Variants in GATAD2A observed in about 807,000 individuals in gnomAD.
GATAD2A encodes GATA zinc finger domain containing 2A, also known as transcriptional repressor p66-alpha.
GATAD2A carries 12 observed loss-of-function variants against 68.5 expected under a neutral mutation model. The ratio of observed to expected loss-of-function variants is 0.18; its 90% CI spans 0.11 to 0.28. The LOEUF is 0.28. GATAD2A is among the 10% of genes least tolerant of loss of function. The probability of loss-of-function intolerance (pLI) is 1.00; values close to 1 mark genes in which losing one functional copy is unlikely to be tolerated. For missense variants in GATAD2A, 755 were observed against 868.5 expected (o/e 0.87, Z 1.64); for synonymous variants, 410 against 375.3 (o/e 1.09, Z -1.07).
In GATAD2A at chr19:19,465,515, C is replaced by T. The variant is rs1340346795; in HGVS notation, c.170C>T (p.Thr57Ile). ...RVTPEPGAGP[T>I]QGLLRATEAT... ...ACACCTGAGCCGGGAGCAGGTCCAA[C>T]CCAAGGATTGCTGAGGGCAACAGAG... The change falls in exon 2 of 12, where the codon ACC becomes ATC. Residue 57 changes from threonine (T) to isoleucine (I), a missense_variant. Physicochemically the swap from Thr to Ile is moderately conservative, Grantham distance 89. Coordinates refer to ENST00000683918, the MANE Select transcript of GATAD2A (RefSeq NM_001384528.1). 6.2e-7 allele frequency: 1 copy of T among 1,614,048 alleles called. No individual in the cohort carries two copies. The highest frequency in any genetic ancestry group is 8.5e-7 in the Non-Finnish European group (1 of 1,179,880).
chr19:19,459,827 A>C (rs1312321190), intron 1 of GATAD2A, among the ~76,000 whole-genome samples: 1 of 152,184 alleles, frequency 6.6e-6, no homozygotes, highest in Non-Finnish European at 1.5e-5. Flanking sequence ...TGCTGTGTCT[A>C]GTTGTAGGAG....
At chr19:19,454,783 C>T (rs2056775017) in intron 1 of GATAD2A, among the ~76,000 whole-genome samples, 1 of 144,804 alleles carries the variant, frequency 6.9e-6, no homozygotes. Context: ...CTCTGTAGTC[C>T]ATTCTGCTAT....
chr19:19,498,646 G>A lies in GATAD2A; in HGVS notation c.1128G>A (p.Leu376=). The A allele has an allele frequency of 6.2e-7, 1 of 1,613,880 alleles. No individual in the cohort carries two copies. Among genetic ancestry groups the A allele is most frequent in the Non-Finnish European group, 8.5e-7 (1 of 1,179,966 alleles). The change falls in exon 8 of 12, where the codon CTG becomes CTA. Residue 376 remains leucine, a synonymous_variant. Coordinates refer to ENST00000683918, the MANE Select transcript of GATAD2A (RefSeq NM_001384528.1). The part of the protein sequence containing the change: ...PKPPAPEMNF[L]PSAANNEFIY... Reference sequence around the variant, plus strand: ...CCCCAGCCCCAGAGATGAACTTCCTGCCCAGCGCCGCCAACAACGAGTTCA... The same window carrying A: ...CCCCAGCCCCAGAGATGAACTTCCTACCCAGCGCCGCCAACAACGAGTTCA...
chr19:19,428,660 T>C (rs545240391), intron 1 of GATAD2A, among the ~76,000 whole-genome samples: 1 of 152,300 alleles, frequency 6.6e-6, no homozygotes, highest in African/African-American at 2.4e-5. Flanking sequence ...TGCTGGAGTC[T>C]GAGCTTACCA....
intron 1 of GATAD2A, among the ~76,000 whole-genome samples, chr19:19,450,390 G>A (rs2056242497): frequency 6.6e-6 from 1 of 152,190 alleles, no homozygotes; most frequent in African/African-American, 2.4e-5. Context: ...TGGAAGTGCT[G>A]GGTAGGGAAC....
chr19:19,435,030 G>A (rs1434280209), intron 1 of GATAD2A: 1 of 506,264 alleles, frequency 2.0e-6, no homozygotes, highest in Non-Finnish European at 4.1e-6. Flanking sequence ...GTTACATTGG[G>A]AGAATGAGCC....
At chr19:19,392,441 G>A (rs940620226) in intron 1 of GATAD2A, among the ~76,000 whole-genome samples, 5 of 150,278 alleles carry the variant, frequency 3.3e-5, no homozygotes, top group African/African-American at 1.2e-4. Context: ...CACCTAGGCT[G>A]GAGTGCAGTG....
At chr19:19,404,821 C>G (rs889419122), upstream of GATAD2A, among the ~76,000 whole-genome samples, 2 of 152,164 alleles carry the variant, frequency 1.3e-5, no homozygotes, top group Admixed American at 6.5e-5. Flanking sequence ...GTCTAGGTGT[C>G]TCATCAGGAA....
intron 1 of GATAD2A, among the ~76,000 whole-genome samples, chr19:19,460,335 G>C (rs1214365879): frequency 1.3e-5 from 2 of 152,202 alleles, no homozygotes; most frequent in Admixed American, 1.3e-4. Context: ...CTCTGGAGGT[G>C]GGCACCTGGG....
intron 1 of GATAD2A, among the ~76,000 whole-genome samples, chr19:19,460,232 A>G (rs957696461): frequency 2.6e-5 from 4 of 152,320 alleles, no homozygotes; most frequent in South Asian, 2.1e-4. Context: ...TCCTCGGGCT[A>G]TGCTGCCGGG....
chr19:19,401,188 G>A (rs1207272831), upstream of GATAD2A, among the ~76,000 whole-genome samples: 2 of 145,810 alleles, frequency 1.4e-5, no homozygotes, highest in Non-Finnish European at 1.5e-5. Flanking sequence ...TTTCATAAAG[G>A]TGATTAAAAG....
chr19:19,388,449 C>G (rs1345302625), intron 1 of GATAD2A, among the ~76,000 whole-genome samples: 1 of 152,120 alleles, frequency 6.6e-6, no homozygotes, highest in African/African-American at 2.4e-5. Flanking sequence ...TTTGTTGCCA[C>G]TCTAGGGGTA....
chr19:19,453,051 C>A (rs527915393), intron 1 of GATAD2A, among the ~76,000 whole-genome samples: 1 of 152,216 alleles, frequency 6.6e-6, no homozygotes, highest in Non-Finnish European at 1.5e-5. Flanking sequence ...ATCCCTGTAG[C>A]CCCCATTCCT....
At chr19:19,469,479 A>G (rs1343883939) in intron 2 of GATAD2A, among the ~76,000 whole-genome samples, 1 of 152,152 alleles carries the variant, frequency 6.6e-6, no homozygotes, top group Non-Finnish European at 1.5e-5. Context: ...TACACTAAAA[A>G]ATATTTAACA....
chr19:19,433,266 A>G (rs1004935584), intron 1 of GATAD2A, among the ~76,000 whole-genome samples: 1 of 152,204 alleles, frequency 6.6e-6, no homozygotes, highest in African/African-American at 2.4e-5. Flanking sequence ...GTCAAGTCTC[A>G]GTGATCCACA....
chr19:19,486,810 C>T (rs984808418), intron 2 of GATAD2A, among the ~76,000 whole-genome samples: 3 of 152,238 alleles, frequency 2.0e-5, no homozygotes, highest in African/African-American at 7.2e-5. Flanking sequence ...GAAGTCTCAC[C>T]TCACCAGGCA....
chr19:19,468,954 T>C (rs1214699546), intron 2 of GATAD2A, among the ~76,000 whole-genome samples: 1 of 152,110 alleles, frequency 6.6e-6, no homozygotes, highest in Non-Finnish European at 1.5e-5. Context: ...GTTTATAATA[T>C]CCACAGATAA....
rs970187061 is a variant in GATAD2A, at chr19:19,492,824, T to G, written c.534+112T>G. 3 of 1,021,304 alleles carry G rather than the reference T, an allele frequency of 2.9e-6. No homozygotes were observed. The African/African-American group carries it at 4.8e-5, about 16-fold the overall frequency. 63.3% of individuals were successfully genotyped at this position (1,021,304 alleles called of 1,614,324 possible). A position where few individuals can be genotyped will look rare whatever the true frequency, so the allele number is the denominator to read the frequency against. ...GTGAAAGGGCTTCCTTGAGGGAGTA[T>G]AGGGCAAGGTCCCACTCCCGCATTT... On this transcript the variant is annotated intron_variant, in intron 4 of 11. Transcript: ENST00000683918.
At chr19:19,460,240 G>C (rs182993251) in intron 1 of GATAD2A, among the ~76,000 whole-genome samples, 1 of 152,220 alleles carries the variant, frequency 6.6e-6, no homozygotes. Flanking sequence ...CTATGCTGCC[G>C]GGAGGAGAGT....
Sources: gnomAD v4.1 joint callset for allele counts (sites outside exome capture counted in the v4.1 genomes callset) on GRCh38, gnomAD v4.1.1 for gene constraint, MANE v1.5 for transcripts, NCBI Gene and HGNC (gene_info 2026-07-23, HGNC 2026-07-21) for gene names.